Variants in PLSCR4 observed in about 807,000 individuals in gnomAD.
The protein encoded by PLSCR4 is phospholipid scramblase 4, also known as Ca(2+)-dependent phospholipid scramblase 4.
PLSCR4 carries 25 observed loss-of-function variants against 36.3 expected under a neutral mutation model. The ratio of observed to expected loss-of-function variants is 0.69; its 90% CI spans 0.50 to 0.96. The LOEUF (loss-of-function observed/expected upper bound fraction) is 0.96. Ranked by LOEUF, PLSCR4 falls within the 40% of genes least tolerant of loss-of-function variation. The pLI, the probability that PLSCR4 is intolerant of heterozygous loss-of-function variation, is 0.00. For synonymous variants in PLSCR4, 122 were observed against 132.9 expected, an observed-to-expected ratio of 0.92 and a Z score of 0.56; for missense variants, 408 against 414.7, an observed-to-expected ratio of 0.98 and a Z score of 0.14.
Position 146,206,528 on chromosome 3 carries a change from GAACT to G in PLSCR4, c.348_351del (p.Leu116PhefsTer17). 6.3e-7 allele frequency: 1 copy of G among 1,595,780 alleles called. No individual in the cohort carries two copies. Among genetic ancestry groups the G allele is most frequent in the Admixed American group, 1.7e-5 (1 of 59,896 alleles). On this transcript the variant is annotated frameshift_variant, in exon 4 of 9. Coordinates refer to ENST00000354952, the MANE Select transcript of PLSCR4 (RefSeq NM_020353.3). LOFTEE classifies it high-confidence loss of function. ...TAATTTGTATTTTCATGGAGTACCT[GAACT>G]AAGTATTCCAGACCAGGAGGGCAGT...
Position 146,201,081 on chromosome 3 carries a change from T to C in PLSCR4, c.355-4A>G, listed in dbSNP as rs369760119. On this transcript the variant is annotated splice_polypyrimidine_tract_variant and splice_region_variant and intron_variant, in intron 4 of 8. Coordinates refer to ENST00000354952, the MANE Select transcript of PLSCR4 (RefSeq NM_020353.3). ...GAAGAACATGTATGTTGTCCAACTG[T>C]TGGGATAAAACAAAGCAATCAGAAG... The C allele has an allele frequency of 2.9e-4, 442 of 1,542,778 alleles. No homozygotes were observed. Among genetic ancestry groups the C allele is most frequent in the Non-Finnish European group, 3.6e-4 (409 of 1,151,930 alleles).
intron 3 of PLSCR4, among the ~76,000 whole-genome samples, chr3:146,215,636 T>G (rs1013147745): frequency 6.6e-6 from 1 of 152,198 alleles, no homozygotes; most frequent in African/African-American, 2.4e-5. Flanking sequence ...TGTATGTATA[T>G]GTTTTTTTTG....
chr3:146,212,453 T>G (rs1352829371), intron 3 of PLSCR4, among the ~76,000 whole-genome samples: 3 of 136,592 alleles, frequency 2.2e-5, no homozygotes, highest in African/African-American at 8.0e-5. Flanking sequence ...TTTTGTTTTT[T>G]GGGTTTTTTT....
intron 5 of PLSCR4, among the ~76,000 whole-genome samples, chr3:146,200,400 AC>A (rs2108219003): frequency 6.6e-6 from 1 of 152,212 alleles, no homozygotes; most frequent in South Asian, 2.1e-4. Context: ...AGTTCACGAA[AC>A]ATGCTTGGAG....
At chr3:146,222,768 G>C (rs2035230469) in intron 1 of PLSCR4, among the ~76,000 whole-genome samples, 2 of 152,164 alleles carry the variant, frequency 1.3e-5, no homozygotes, top group South Asian at 4.1e-4. Context: ...TCGGTGGAGT[G>C]ATCAGATCTG....
In PLSCR4 at chr3:146,214,370, G is replaced by A. The variant is rs1329944075; in HGVS notation, c.118+6445C>T. 2.0e-4 allele frequency among the ~76,000 whole-genome samples: 2 copies of A among 9,816 alleles called. 1 individual carries two copies. Among genetic ancestry groups the A allele is most frequent in the Non-Finnish European group, 5.9e-4 (2 of 3,366 alleles). The allele number at this position is 9,816 out of a possible 152,430, so 6.4% of individuals were successfully genotyped here. A position where few individuals can be genotyped will look rare whatever the true frequency, so the allele number is the denominator to read the frequency against. Reference sequence around the variant, plus strand: ...GATCTCCTGACCTCGTGATCCGCCCGCCTTGGCCTCCCAAAGTGCTGGGAT... The same window carrying A: ...GATCTCCTGACCTCGTGATCCGCCCACCTTGGCCTCCCAAAGTGCTGGGAT... On this transcript the variant is annotated intron_variant, in intron 3 of 8. Coordinates refer to ENST00000354952, the MANE Select transcript of PLSCR4 (RefSeq NM_020353.3).
At chr3:146,204,381 T>C (rs1216996839) in intron 4 of PLSCR4, among the ~76,000 whole-genome samples, 1 of 151,980 alleles carries the variant, frequency 6.6e-6, no homozygotes, top group African/African-American at 2.4e-5. Context: ...GGACGGCCCT[T>C]TATGTCAAAA....
Position 146,206,704 on chromosome 3 carries a change from C to T in PLSCR4, c.176G>A (p.Gly59Glu). The T allele has an allele frequency of 6.2e-7, 1 of 1,611,410 alleles. No individual in the cohort carries two copies. The highest frequency in any genetic ancestry group is 1.1e-5 in the South Asian group (1 of 90,902). The stretch of plus-strand genomic sequence containing the variant: ...ACTGGGTTGCTGTGGACTGTAGTAT[C>T]CCATAGGCAAGCCTCCTGGGTAGCC... ...PTGYPGGLPM[G>E]YYSPQQPSTF... Residue 59 changes from glycine to glutamate, a missense_variant, in exon 4 of 9, where the codon GGA (glycine) becomes GAA (glutamate). Transcript: ENST00000354952.
intron 1 of PLSCR4, among the ~76,000 whole-genome samples, chr3:146,229,328 G>C (rs1054082797): frequency 6.6e-6 from 1 of 152,056 alleles, no homozygotes; most frequent in Non-Finnish European, 1.5e-5. Context: ...ATATTTGCCT[G>C]ACCTCCAGGG....
At chr3:146,242,272 ACT>A (rs2036181872) in intron 1 of PLSCR4, among the ~76,000 whole-genome samples, 3 of 151,832 alleles carry the variant, frequency 2.0e-5, no homozygotes, top group Non-Finnish European at 4.4e-5. Context: ...GCTCAGATAA[ACT>A]CTGCTGAATT....
chr3:146,203,642 G>A (rs2034163581), intron 4 of PLSCR4, among the ~76,000 whole-genome samples: 1 of 151,794 alleles, frequency 6.6e-6, no homozygotes, highest in African/African-American at 2.4e-5. Context: ...CCCCCCTTAA[G>A]CCTTGTGAGC....
chr3:146,229,537 C>G (rs2035611509), intron 1 of PLSCR4, among the ~76,000 whole-genome samples: 3 of 151,816 alleles, frequency 2.0e-5, no homozygotes, highest in Admixed American at 2.0e-4. Context: ...CCTCCTAGGT[C>G]TCATCCCATG....
At chr3:146,204,861 A>T (rs933588489) in intron 4 of PLSCR4, among the ~76,000 whole-genome samples, 2 of 152,064 alleles carry the variant, frequency 1.3e-5, no homozygotes, top group African/African-American at 4.8e-5. Context: ...AATAATGTAG[A>T]TGTTTACTCT....
chr3:146,239,878 T>C (rs2036076253), intron 1 of PLSCR4, among the ~76,000 whole-genome samples: 1 of 151,282 alleles, frequency 6.6e-6, no homozygotes, highest in African/African-American at 2.4e-5. Flanking sequence ...AGTGAAACTC[T>C]ATCTCAAAAA....
chr3:146,215,471 G>T (rs1472784117), intron 3 of PLSCR4, among the ~76,000 whole-genome samples: 2 of 152,096 alleles, frequency 1.3e-5, no homozygotes, highest in Non-Finnish European at 2.9e-5. Context: ...TTGCAACACT[G>T]CAATGTATAA....
At chr3:146,207,825 TAAA>T (rs2034416749) in intron 3 of PLSCR4, among the ~76,000 whole-genome samples, 1 of 152,118 alleles carries the variant, frequency 6.6e-6, no homozygotes, top group African/African-American at 2.4e-5. Flanking sequence ...TAGATTTCCT[TAAA>T]TGGATACAAG....
chr3:146,223,173 CAAAG>C (rs1307771573), intron 1 of PLSCR4, among the ~76,000 whole-genome samples: 1 of 151,684 alleles, frequency 6.6e-6, no homozygotes, highest in African/African-American at 2.4e-5. Flanking sequence ...GAGAATAACT[CAAAG>C]AAGAAGACTA....
At chr3:146,198,742 T>A (rs941945635) in intron 6 of PLSCR4, among the ~76,000 whole-genome samples, 6 of 152,086 alleles carry the variant, frequency 3.9e-5, no homozygotes, top group Non-Finnish European at 8.8e-5. Flanking sequence ...TCTGGCTTCC[T>A]ATAATTTCAG....
At chr3:146,243,478 C>T (rs1036618963) in intron 1 of PLSCR4, among the ~76,000 whole-genome samples, 11 of 152,232 alleles carry the variant, frequency 7.2e-5, no homozygotes, top group Admixed American at 4.6e-4. Context: ...ATGCAGAGTT[C>T]GGGCACATAA....
Sources: allele counts gnomAD v4.1 joint callset (sites outside exome capture counted in the v4.1 genomes callset), GRCh38; gene constraint gnomAD v4.1.1; transcripts MANE v1.5; gene names NCBI Gene and HGNC (gene_info 2026-07-23, HGNC 2026-07-21).